TMOD1: variants seen among roughly 807,000 people sequenced by gnomAD.
The protein encoded by TMOD1 is tropomodulin 1, also known as tropomodulin-1.
A neutral mutation model predicts 40.6 loss-of-function variants in TMOD1; 17 were observed. The ratio of observed to expected loss-of-function variants is 0.42; its 90% CI spans 0.29 to 0.63. The LOEUF (loss-of-function observed/expected upper bound fraction) is 0.63. TMOD1 is among the 20% of genes least tolerant of loss of function. The pLI is 0.22. For missense variants in TMOD1, 391 were observed against 447.6 expected (o/e 0.87, Z 1.14); for synonymous variants, 181 against 175.0 (o/e 1.03, Z -0.27).
chr9:97,525,316 G>T (rs1829996008), intron 2 of TMOD1, among the ~76,000 whole-genome samples: 1 of 152,162 alleles, frequency 6.6e-6, no homozygotes, highest in Non-Finnish European at 1.5e-5. Context: ...ACAATCTTGT[G>T]TTACATGATA....
intron 2 of TMOD1, among the ~76,000 whole-genome samples, chr9:97,529,836 C>A (rs1830071905): frequency 6.6e-6 from 1 of 152,202 alleles, no homozygotes; most frequent in Admixed American, 6.5e-5. Flanking sequence ...GAGCAGTGTA[C>A]AGTTTTCATA....
intron 8 of TMOD1, among the ~76,000 whole-genome samples, chr9:97,587,981 G>A (rs568993835): frequency 7.4e-4 from 113 of 152,268 alleles, no homozygotes; most frequent in African/African-American, 2.6e-3. Context: ...GATCTACCAC[G>A]TTGTGTGTAT....
At chr9:97,592,104 G>T (rs941657647) in intron 9 of TMOD1, among the ~76,000 whole-genome samples, 2 of 151,908 alleles carry the variant, frequency 1.3e-5, no homozygotes, top group African/African-American at 2.4e-5. Flanking sequence ...GAACAAATAG[G>T]TATATAAGTC....
intron 1 of TMOD1, among the ~76,000 whole-genome samples, chr9:97,514,902 G>A (rs767410216): frequency 3.9e-5 from 6 of 152,234 alleles, no homozygotes; most frequent in Non-Finnish European, 7.3e-5. Flanking sequence ...AAGGGGAAAT[G>A]CCTGGCATGA....
intron 4 of TMOD1, chr9:97,555,554 G>T: frequency 6.6e-7 from 1 of 1,504,988 alleles, no homozygotes; most frequent in South Asian, 1.3e-5. Flanking sequence ...ATATGCTGCC[G>T]AAGTCTGGGA....
At chr9:97,581,489 T>C (rs1825754923) in intron 8 of TMOD1, among the ~76,000 whole-genome samples, 1 of 152,132 alleles carries the variant, frequency 6.6e-6, no homozygotes, top group African/African-American at 2.4e-5. Flanking sequence ...GCATGATTTA[T>C]AGTCCTTTGG....
In TMOD1 at chr9:97,542,849, CAAAAAAAAA is replaced by C. The variant is rs35096378; in HGVS notation, c.121-3326_121-3318del. On this transcript the variant is annotated intron_variant, in intron 2 of 9. Coordinates refer to ENST00000259365, the MANE Select transcript of TMOD1 (RefSeq NM_003275.4). ...TGGGCAACAAAGTGAGACTCCATCT[CAAAAAAAAA>C]AAAAAAAAAGGAAGAAAATAAAAGA... Among the ~76,000 whole-genome samples, 23 of 99,988 alleles carry C rather than the reference CAAAAAAAAA, an allele frequency of 2.3e-4. 1 individual carries two copies. The highest frequency in any genetic ancestry group is 8.1e-4 in the African/African-American group (22 of 27,244). The allele number at this position is 99,988 out of a possible 152,430, so 65.6% of individuals were successfully genotyped here. A position where few individuals can be genotyped will look rare whatever the true frequency, so the allele number is the denominator to read the frequency against.
At chr9:97,546,377 C>G (rs368458834) in intron 3 of TMOD1, 36 bp downstream of exon 3, 1 of 1,599,372 alleles carries the variant, frequency 6.3e-7, no homozygotes, top group East Asian at 2.2e-5. Flanking sequence ...TATGCCACTC[C>G]CCATGCACCA....
chr9:97,525,427 T>C (rs1829998354), intron 2 of TMOD1, among the ~76,000 whole-genome samples: 1 of 152,230 alleles, frequency 6.6e-6, no homozygotes, highest in South Asian at 2.1e-4. Context: ...AATTACAGTC[T>C]TCATTTCTGT....
chr9:97,584,439 A>G (rs1825823873), intron 8 of TMOD1, among the ~76,000 whole-genome samples: 1 of 150,804 alleles, frequency 6.6e-6, no homozygotes, highest in Non-Finnish European at 1.5e-5. Context: ...TCAATTTTGG[A>G]ATAGGTGTGG....
chr9:97,591,246 G>T, intron 8 of TMOD1, 45 bp from the exon 9 acceptor site: 2 of 1,542,886 alleles, frequency 1.3e-6, no homozygotes, highest in South Asian at 1.2e-5. Flanking sequence ...CACATGGAAT[G>T]AGTGGTGATT....
At chr9:97,527,204 G>A (rs755638446) in intron 2 of TMOD1, among the ~76,000 whole-genome samples, 6 of 152,312 alleles carry the variant, frequency 3.9e-5, no homozygotes, top group Admixed American at 6.5e-5. Flanking sequence ...TTCTATCCTA[G>A]ATCACTGTCA....
chr9:97,589,428 C>T (rs111273047), intron 8 of TMOD1, among the ~76,000 whole-genome samples: 1,853 of 150,570 alleles, frequency 0.012, 42 homozygotes, highest in African/African-American at 0.043. Context: ...TGCGCCACCA[C>T]GCCCAGCTAC....
At chr9:97,549,398 CAG>C (rs555836940) in intron 3 of TMOD1, among the ~76,000 whole-genome samples, 186 of 152,320 alleles carry the variant, frequency 1.2e-3, no homozygotes, top group African/African-American at 4.3e-3. Context: ...TACAGTGGCT[CAG>C]AGTCACCATC....
chr9:97,516,024 C>CTT (rs1829800112), intron 1 of TMOD1, among the ~76,000 whole-genome samples: 1 of 152,102 alleles, frequency 6.6e-6, no homozygotes, highest in Non-Finnish European at 1.5e-5. Flanking sequence ...GGAAGCTAAG[C>CTT]CCCCTCAAAC....
At chr9:97,507,910 C>T (rs576229795) in intron 1 of TMOD1, among the ~76,000 whole-genome samples, 1 of 152,258 alleles carries the variant, frequency 6.6e-6, no homozygotes, top group South Asian at 2.1e-4. Flanking sequence ...AGACAGAGGG[C>T]ATAGTAGTTA....
chr9:97,507,421 G>A (rs548440570), intron 1 of TMOD1, among the ~76,000 whole-genome samples: 1 of 152,284 alleles, frequency 6.6e-6, no homozygotes, highest in Admixed American at 6.5e-5. Context: ...GCATTAAAAA[G>A]GCTTGAGATG....
At chr9:97,556,251 T>C (rs1344260193) in intron 4 of TMOD1, among the ~76,000 whole-genome samples, 11 of 151,950 alleles carry the variant, frequency 7.2e-5, no homozygotes, top group Non-Finnish European at 1.3e-4. Flanking sequence ...GCAGCTGAGA[T>C]GGTACCAGTC....
chr9:97,537,921 A>C (rs1179183345), intron 2 of TMOD1, among the ~76,000 whole-genome samples: 1 of 152,218 alleles, frequency 6.6e-6, no homozygotes, highest in Non-Finnish European at 1.5e-5. Flanking sequence ...ATGTGGCATA[A>C]TGGCAGTTTA....
Sources: gnomAD v4.1 joint callset for allele counts (sites outside exome capture counted in the v4.1 genomes callset) on GRCh38, gnomAD v4.1.1 for gene constraint, MANE v1.5 for transcripts, NCBI Gene and HGNC (gene_info 2026-07-23, HGNC 2026-07-21) for gene names.